GNAO1: variants seen among roughly 807,000 people sequenced by gnomAD.
GNAO1 encodes the protein G protein subunit alpha o1.
For synonymous variants in GNAO1, 164 were observed against 180.7 expected, an observed-to-expected ratio of 0.91 and a Z score of 0.74; for missense variants, 166 against 478.7, an observed-to-expected ratio of 0.35 and a Z score of 6.10.
chr16:56,250,082 T>C (rs2036786211), intron 2 of GNAO1, among the ~76,000 whole-genome samples: 1 of 151,882 alleles, frequency 6.6e-6, no homozygotes, highest in Admixed American at 6.6e-5. Context: ...TCAGGAAGAA[T>C]TGGTACTGAG....
intron 2 of GNAO1, among the ~76,000 whole-genome samples, chr16:56,263,547 G>C (rs2036924656): frequency 6.6e-6 from 1 of 152,188 alleles, no homozygotes. Context: ...TAGTCAGACT[G>C]GTCTGAGGAG....
chr16:56,248,737 T>C (rs2036772308), intron 2 of GNAO1, among the ~76,000 whole-genome samples: 1 of 152,098 alleles, frequency 6.6e-6, no homozygotes, highest in Non-Finnish European at 1.5e-5. Context: ...GCAAAGGCCC[T>C]GAGGTGGGAG....
At chr16:56,215,828 G>A (rs1233861835) in intron 2 of GNAO1, among the ~76,000 whole-genome samples, 1 of 152,196 alleles carries the variant, frequency 6.6e-6, no homozygotes, top group Non-Finnish European at 1.5e-5. Flanking sequence ...TTGGTTCACA[G>A]TGGGTTAAGA....
At chr16:56,332,889 C>T (rs912637437) in intron 4 of GNAO1, among the ~76,000 whole-genome samples, 12 of 152,246 alleles carry the variant, frequency 7.9e-5, no homozygotes, top group Admixed American at 2.0e-4. Context: ...AGGTCATGGG[C>T]GCCAGGGCGG....
chr16:56,344,836 T>C, intron 6 of GNAO1: 2 of 985,446 alleles, frequency 2.0e-6, no homozygotes, highest in Non-Finnish European at 2.4e-6. Flanking sequence ...TGAATTCAAC[T>C]CAAACCAGCA....
intron 3 of GNAO1, among the ~76,000 whole-genome samples, chr16:56,280,994 T>C (rs1013132708): frequency 6.6e-6 from 1 of 152,172 alleles, no homozygotes; most frequent in Non-Finnish European, 1.5e-5. Flanking sequence ...TCCTGTTATT[T>C]AAAAAATATT....
chr16:56,258,223 A>G (rs1269225937), intron 2 of GNAO1, among the ~76,000 whole-genome samples: 2 of 152,138 alleles, frequency 1.3e-5, no homozygotes, highest in Admixed American at 6.5e-5. Context: ...GGTGGAGATT[A>G]TGAGTGGGGT....
intron 3 of GNAO1, 98 bp downstream of exon 3, chr16:56,276,170 A>G (rs1367675846): frequency 2.0e-6 from 2 of 1,014,572 alleles, no homozygotes. Context: ...AATGAACGAG[A>G]AGAGACTCCG....
chr16:56,297,861 A>G (rs567023508), intron 3 of GNAO1, among the ~76,000 whole-genome samples: 19 of 152,252 alleles, frequency 1.2e-4, no homozygotes, highest in Admixed American at 1.0e-3. Context: ...TTTATGTAGA[A>G]CTAGACGATT....
chr16:56,261,850 C>T (rs1403680852), intron 2 of GNAO1, among the ~76,000 whole-genome samples: 1 of 152,182 alleles, frequency 6.6e-6, no homozygotes, highest in Non-Finnish European at 1.5e-5. Flanking sequence ...GCCCTGCTGC[C>T]ATCTTTCCAA....
At chr16:56,267,577 C>A (rs1380810951) in intron 2 of GNAO1, among the ~76,000 whole-genome samples, 2 of 152,220 alleles carry the variant, frequency 1.3e-5, no homozygotes, top group Admixed American at 6.5e-5. Context: ...TCTGTCCAGC[C>A]AGCACCTGCT....
chr16:56,337,698 G>A (rs1211093824), intron 6 of GNAO1, among the ~76,000 whole-genome samples: 5 of 152,228 alleles, frequency 3.3e-5, no homozygotes, highest in African/African-American at 1.2e-4. Flanking sequence ...TGATGCGTGT[G>A]CAGCGCTCTG....
chr16:56,276,977 C>T (rs1472620685), intron 3 of GNAO1: 3 of 152,234 alleles, frequency 2.0e-5, no homozygotes, highest in African/African-American at 7.2e-5. Flanking sequence ...GTCTATTATA[C>T]ACATGTCCTG....
rs1470324293 is a variant in GNAO1 at position 56,357,178 on chromosome 16, G to A, written c.*1104G>A. The A allele has an allele frequency of 6.6e-6, 1 of 151,376 alleles. No homozygotes were observed. Among genetic ancestry groups the A allele is most frequent in the African/African-American group, 2.4e-5 (1 of 40,996 alleles). The allele number at this position is 151,376 out of a possible 1,614,324, so 9.4% of individuals were successfully genotyped here. On this transcript the variant is annotated 3_prime_UTR_variant, in exon 9 of 9. Coordinates refer to ENST00000262493, the MANE Select transcript of GNAO1 (RefSeq NM_020988.3). Reference sequence around the variant, plus strand: ...ATACCCAAACCCTAAACCTCTTCACGGTTTCACTTTTAAGACTTAATCTTT... The same window carrying A: ...ATACCCAAACCCTAAACCTCTTCACAGTTTCACTTTTAAGACTTAATCTTT...
At chr16:56,313,860 T>C (rs2037482886) in intron 3 of GNAO1, among the ~76,000 whole-genome samples, 1 of 152,156 alleles carries the variant, frequency 6.6e-6, no homozygotes, top group African/African-American at 2.4e-5. Context: ...TAGCTGGGAC[T>C]ACAAGTACAC....
At chr16:56,334,929 C>T (rs907734046) in intron 5 of GNAO1, 72 bp downstream of exon 5, 108 of 1,511,256 alleles carry the variant, frequency 7.1e-5, no homozygotes, top group Admixed American at 5.6e-4. Context: ...CAGCGCATTG[C>T]GTTTACAGCG....
At chr16:56,302,460 T>G (rs963558314) in intron 3 of GNAO1, 2 of 152,386 alleles carry the variant, frequency 1.3e-5, no homozygotes, top group East Asian at 3.9e-4. Context: ...ACCCCCATCA[T>G]CTCTCATTTG....
chr16:56,354,819 A>T lies in GNAO1; in HGVS notation c.878-47A>T. The T allele has an allele frequency of 8.1e-7, 1 of 1,232,592 alleles. No homozygotes were observed. The highest frequency in any genetic ancestry group is 1.2e-6 in the Non-Finnish European group (1 of 839,586). The allele number at this position is 1,232,592 out of a possible 1,614,324, so 76.4% of individuals were successfully genotyped here. On this transcript the variant is annotated intron_variant, in intron 7 of 8. Transcript: ENST00000262493. The surrounding 1 kb of genome is among the most constrained non-coding windows in gnomAD (Gnocchi z 4.3). ...TTCATGTCCCCAGCCCTGTCCACCC[A>T]CAGCGCTCATCAGGGCCTCTCCCCG...
rs2037950055 is a variant in GNAO1 at position 56,354,378 on chromosome 16, T to TC, written c.878-487dup. On this transcript the variant is annotated intron_variant, in intron 7 of 8. Transcript: ENST00000262493. This position sits in a 1 kb window ranked among gnomAD's most constrained non-coding sequence, Gnocchi z 4.3. The stretch of plus-strand genomic sequence containing the variant: ...AATTGCAGTAATTGCAGTTTTGCTA[T>TC]CAAAAGTAATGGCAAGGCCAGGCGT... Among the ~76,000 whole-genome samples the TC allele has an allele frequency of 6.6e-6, 1 of 152,152 alleles. No homozygotes were observed. Among genetic ancestry groups the TC allele is most frequent in the African/African-American group, 2.4e-5 (1 of 41,422 alleles).
Sources: allele counts gnomAD v4.1 joint callset (sites outside exome capture counted in the v4.1 genomes callset), GRCh38; gene constraint gnomAD v4.1.1; non-coding constraint Gnocchi (gnomAD v3.1); transcripts MANE v1.5; gene names NCBI Gene and HGNC (gene_info 2026-07-23, HGNC 2026-07-21).